PRMT3: variants seen among roughly 807,000 people sequenced by gnomAD.
The protein encoded by PRMT3 is protein arginine methyltransferase 3, also known as protein arginine N-methyltransferase 3.
In PRMT3, 62 loss-of-function variants were observed where a neutral mutation model predicts 71.9. That is an observed-to-expected ratio of 0.86 (90% CI 0.70 to 1.07). The LOEUF (loss-of-function observed/expected upper bound fraction) is 1.07. PRMT3 is among the 50% of genes least tolerant of loss of function. The pLI, the probability that PRMT3 is intolerant of heterozygous loss-of-function variation, is 0.00. For missense variants in PRMT3, 663 were observed against 643.0 expected (o/e 1.03, Z -0.34); for synonymous variants, 213 against 220.4 (o/e 0.97, Z 0.30).
At chr11:20,414,763 A>G (rs1431589081) in intron 9 of PRMT3, among the ~76,000 whole-genome samples, 1 of 152,150 alleles carries the variant, frequency 6.6e-6, no homozygotes, top group Non-Finnish European at 1.5e-5. Flanking sequence ...TTAAAGATGC[A>G]ATCTTTTATA....
intron 8 of PRMT3, chr11:20,405,790 G>A (rs542971183): frequency 1.3e-5 from 2 of 152,128 alleles, no homozygotes; most frequent in African/African-American, 4.8e-5. Flanking sequence ...TTACCCCCGT[G>A]TTTTTTCTTA....
At chr11:20,503,336 CTG>C (rs1390087492) in intron 15 of PRMT3, among the ~76,000 whole-genome samples, 3 of 152,048 alleles carry the variant, frequency 2.0e-5, no homozygotes, top group Admixed American at 6.6e-5. Flanking sequence ...TCTCATTTGT[CTG>C]TGTTTATTCC....
intron 8 of PRMT3, chr11:20,406,495 C>T (rs1849074075): frequency 6.6e-6 from 1 of 152,104 alleles, no homozygotes; most frequent in Admixed American, 6.5e-5. Context: ...TTTTAAGGCT[C>T]AATAATCCAT....
intron 15 of PRMT3, among the ~76,000 whole-genome samples, chr11:20,500,577 A>G (rs1029015215): frequency 2.0e-5 from 3 of 152,206 alleles, no homozygotes; most frequent in African/African-American, 7.2e-5. Context: ...TAATCCAGAA[A>G]TAGACCTGCT....
chr11:20,403,568 T>C (rs1266184635), intron 8 of PRMT3, among the ~76,000 whole-genome samples: 1 of 152,212 alleles, frequency 6.6e-6, no homozygotes, highest in Non-Finnish European at 1.5e-5. Context: ...GTTAGAAATT[T>C]GTGTTTTTTG....
intron 13 of PRMT3, among the ~76,000 whole-genome samples, chr11:20,467,482 CT>C (rs1272026375): frequency 1.3e-5 from 2 of 152,152 alleles, no homozygotes; most frequent in Non-Finnish European, 2.9e-5. Flanking sequence ...TTAGAGAAAC[CT>C]ATGAATAAGA....
intron 13 of PRMT3, among the ~76,000 whole-genome samples, chr11:20,468,515 T>G (rs1850567044): frequency 6.6e-6 from 1 of 152,062 alleles, no homozygotes; most frequent in Non-Finnish European, 1.5e-5. Context: ...ACTGCAGATG[T>G]GCGCCACCAC....
chr11:20,405,198 G>A (rs1387940354), intron 8 of PRMT3, among the ~76,000 whole-genome samples: 1 of 151,484 alleles, frequency 6.6e-6, no homozygotes, highest in Non-Finnish European at 1.5e-5. Context: ...TTTAACTTTG[G>A]GTGGTATTTA....
chr11:20,490,521 A>T (rs1851181757), intron 13 of PRMT3, among the ~76,000 whole-genome samples: 1 of 150,076 alleles, frequency 6.7e-6, no homozygotes. Flanking sequence ...TCACACCTGT[A>T]ATCCCAGTGC....
chr11:20,474,039 T>C (rs1367647493), intron 13 of PRMT3, among the ~76,000 whole-genome samples: 2 of 152,182 alleles, frequency 1.3e-5, no homozygotes, highest in Admixed American at 1.3e-4. Flanking sequence ...ACAGCAAAGA[T>C]GGCAGCCTGC....
intron 10 of PRMT3, among the ~76,000 whole-genome samples, chr11:20,447,996 T>C (rs1342200298): frequency 6.6e-6 from 1 of 152,116 alleles, no homozygotes; most frequent in Non-Finnish European, 1.5e-5. Flanking sequence ...AGTTGTAAAT[T>C]GTTTGTAAAC....
intron 6 of PRMT3, among the ~76,000 whole-genome samples, 171 bp downstream of exon 6, chr11:20,396,133 A>G (rs929683791): frequency 2.0e-5 from 3 of 152,220 alleles, no homozygotes; most frequent in African/African-American, 7.2e-5. Context: ...GATATAGTTA[A>G]TTAATATAAA....
At chr11:20,425,039 G>T (rs1342655509) in intron 9 of PRMT3, among the ~76,000 whole-genome samples, 1 of 151,652 alleles carries the variant, frequency 6.6e-6, no homozygotes, top group Non-Finnish European at 1.5e-5. Context: ...GAGAGAGGTT[G>T]AGGCTGCAGT....
At chr11:20,434,032 A>G (rs1849712290) in intron 10 of PRMT3, among the ~76,000 whole-genome samples, 1 of 152,266 alleles carries the variant, frequency 6.6e-6, no homozygotes, top group Non-Finnish European at 1.5e-5. Context: ...CAATCTTGCC[A>G]GCACCGTTAT....
chr11:20,483,612 CACT>C (rs1481831716), intron 13 of PRMT3, among the ~76,000 whole-genome samples: 2 of 150,518 alleles, frequency 1.3e-5, no homozygotes, highest in South Asian at 2.1e-4. Context: ...ATGGACTGAA[CACT>C]ATGTGTGGGC....
At chr11:20,498,243 G>T (rs1266713289) in intron 15 of PRMT3, among the ~76,000 whole-genome samples, 3 of 152,166 alleles carry the variant, frequency 2.0e-5, no homozygotes, top group African/African-American at 4.8e-5. Flanking sequence ...AATAGGGTAA[G>T]GTGAGGCAAT....
At chr11:20,473,135 A>G (rs1403138715) in intron 13 of PRMT3, among the ~76,000 whole-genome samples, 2 of 151,540 alleles carry the variant, frequency 1.3e-5, no homozygotes, top group Non-Finnish European at 2.9e-5. Context: ...TCTATTCTTT[A>G]TTATCTAGCT....
chr11:20,503,415 T>C (rs926474092), intron 15 of PRMT3, among the ~76,000 whole-genome samples: 3 of 152,128 alleles, frequency 2.0e-5, no homozygotes, highest in African/African-American at 7.2e-5. Flanking sequence ...ATTGTACAGC[T>C]CATTGAGTTT....
chr11:20,415,192 G>T (rs1590046879), intron 9 of PRMT3, among the ~76,000 whole-genome samples: 1 of 152,140 alleles, frequency 6.6e-6, no homozygotes, highest in East Asian at 1.9e-4. Flanking sequence ...CCACTGATGA[G>T]GCTAAAATGG....
Sources: gnomAD v4.1 joint callset for allele counts (sites outside exome capture counted in the v4.1 genomes callset) on GRCh38, gnomAD v4.1.1 for gene constraint, MANE v1.5 for transcripts, NCBI Gene and HGNC (gene_info 2026-07-23, HGNC 2026-07-21) for gene names.